The following SGCZ variants were observed in gnomAD, a reference collection of about 807,000 sequenced individuals.
The protein encoded by SGCZ is zeta-sarcoglycan.
Under a neutral mutation model 41.3 loss-of-function variants are expected in SGCZ, and 40 were observed. The ratio of observed to expected loss-of-function variants is 0.97; its 90% CI spans 0.75 to 1.26. The LOEUF (loss-of-function observed/expected upper bound fraction) is 1.26. Among genes scored for constraint, SGCZ ranks in the 50% most tolerant of loss-of-function variants. The probability of loss-of-function intolerance (pLI) is 0.00; values close to 1 mark genes in which losing one functional copy is unlikely to be tolerated. For synonymous variants in SGCZ, 206 were observed against 137.5 expected, an observed-to-expected ratio of 1.50 and a Z score of -3.49; for missense variants, 552 against 369.8, an observed-to-expected ratio of 1.49 and a Z score of -4.04.
Position 14,233,635 on chromosome 8 carries a change from A to G in SGCZ, c.424+3957T>C, listed in dbSNP as rs376928941. Among the ~76,000 whole-genome samples, 25 of 149,194 alleles carry G rather than the reference A, an allele frequency of 1.7e-4. No individual in the cohort carries two copies. The South Asian group carries it at 4.8e-3, about 29-fold the overall frequency. On this transcript the variant is annotated intron_variant, in intron 4 of 7. Coordinates refer to ENST00000382080, the MANE Select transcript of SGCZ (RefSeq NM_139167.4). The stretch of plus-strand genomic sequence containing the variant: ...ATTCTATATATATCTTTCCTGAGAT[A>G]ATAAAACAAATTTCACAAAGATGGT...
At chr8:14,311,975 G>T (rs1801561677) in intron 3 of SGCZ, among the ~76,000 whole-genome samples, 1 of 152,102 alleles carries the variant, frequency 6.6e-6, no homozygotes, top group Admixed American at 6.6e-5. Flanking sequence ...TTATAATGCA[G>T]ATTCCATTAC....
At chr8:14,201,385 T>C (rs1432785132) in intron 4 of SGCZ, among the ~76,000 whole-genome samples, 1 of 152,088 alleles carries the variant, frequency 6.6e-6, no homozygotes, top group Non-Finnish European at 1.5e-5. Context: ...TAAATGTCCT[T>C]TAACTTTCAA....
intron 2 of SGCZ, among the ~76,000 whole-genome samples, chr8:14,469,020 C>T (rs953635222): frequency 6.6e-6 from 1 of 151,816 alleles, no homozygotes; most frequent in African/African-American, 2.4e-5. Flanking sequence ...CCTCTTGCCT[C>T]CTCTTGGCCT....
At chr8:14,686,991 T>G (rs1808631120) in intron 1 of SGCZ, among the ~76,000 whole-genome samples, 1 of 151,544 alleles carries the variant, frequency 6.6e-6, no homozygotes, top group Non-Finnish European at 1.5e-5. Flanking sequence ...ATAGGACTAT[T>G]TACAGGATCA....
chr8:14,091,820 G>T (rs947037359), intron 7 of SGCZ, among the ~76,000 whole-genome samples: 2 of 152,146 alleles, frequency 1.3e-5, no homozygotes, highest in Admixed American at 6.6e-5. Flanking sequence ...CTGGGCAGAA[G>T]CACTTTAGTT....
chr8:14,933,463 G>C (rs1438422367), intron 1 of SGCZ, among the ~76,000 whole-genome samples: 1 of 126,186 alleles, frequency 7.9e-6, no homozygotes, highest in African/African-American at 3.1e-5. Context: ...ACGGAGTCTC[G>C]CTCTGTCGTC....
At position 14,490,570 on chromosome 8, in the gene SGCZ, A is replaced by G. The variant is rs189732468; in HGVS notation, c.234+64162T>C. Among the ~76,000 whole-genome samples, 706 of 152,312 alleles carry G rather than the reference A, an allele frequency of 4.6e-3. 9 individuals carry two copies. Among genetic ancestry groups the G allele is most frequent in the African/African-American group, 0.016 (675 of 41,564 alleles). On this transcript the variant is annotated intron_variant, in intron 2 of 7. Coordinates refer to ENST00000382080, the MANE Select transcript of SGCZ (RefSeq NM_139167.4). ...GTCTCTCTCTGTTTCATTGATGAGT[A>G]TAAAAGATCACTTTCATATGATATT...
At chr8:14,249,924 T>C (rs1223811975) in intron 3 of SGCZ, among the ~76,000 whole-genome samples, 1 of 152,190 alleles carries the variant, frequency 6.6e-6, no homozygotes, top group Non-Finnish European at 1.5e-5. Flanking sequence ...ATATCATGTG[T>C]GGTGGGCAAA....
At chr8:14,355,748 TG>T (rs1458263306) in intron 2 of SGCZ, among the ~76,000 whole-genome samples, 12 of 152,086 alleles carry the variant, frequency 7.9e-5, no homozygotes, top group Non-Finnish European at 1.5e-5. Flanking sequence ...TCACAGTGTC[TG>T]GCATACTCAG....
intron 2 of SGCZ, among the ~76,000 whole-genome samples, chr8:14,434,528 A>G (rs562498581): frequency 4.1e-4 from 62 of 152,254 alleles, no homozygotes; most frequent in African/African-American, 1.4e-3. Context: ...TTTGATGGCA[A>G]TTGCATTGAA....
chr8:14,722,969 G>T (rs914197334), intron 1 of SGCZ, among the ~76,000 whole-genome samples: 1 of 151,924 alleles, frequency 6.6e-6, no homozygotes, highest in Non-Finnish European at 1.5e-5. Flanking sequence ...TAGAATGCAG[G>T]GCCAGAATTC....
chr8:14,377,896 A>G (rs1330465939), intron 2 of SGCZ, among the ~76,000 whole-genome samples: 3 of 151,284 alleles, frequency 2.0e-5, no homozygotes, highest in Admixed American at 2.0e-4. Context: ...TCCATGGTGT[A>G]TATGTGCCAC....
chr8:14,757,827 T>G (rs1266316815), intron 1 of SGCZ, among the ~76,000 whole-genome samples: 3 of 152,196 alleles, frequency 2.0e-5, no homozygotes, highest in Non-Finnish European at 2.9e-5. Flanking sequence ...CATACTTTCA[T>G]GACCTATCAA....
In SGCZ at chr8:14,659,256, G is replaced by A. The variant is rs112439098; in HGVS notation, c.40-104330C>T. Among the ~76,000 whole-genome samples the A allele has an allele frequency of 7.9e-3, 1,203 of 152,216 alleles. 13 individuals are homozygous for A. The highest frequency in any genetic ancestry group is 0.027 in the Middle Eastern group (8 of 294). On this transcript the variant is annotated intron_variant, in intron 1 of 7. Transcript: ENST00000382080. ...AAGATTTTGAGTGTCATCACCGCCA[G>A]AGATGATAAATGCTTAAAGTGCTGA...
chr8:14,947,657 A>G (rs1800497302), intron 1 of SGCZ, among the ~76,000 whole-genome samples: 1 of 152,202 alleles, frequency 6.6e-6, no homozygotes, highest in East Asian at 1.9e-4. Flanking sequence ...AAGAGCAAAT[A>G]TCATTAAGTA....
intron 2 of SGCZ, among the ~76,000 whole-genome samples, chr8:14,393,009 T>C (rs1804830823): frequency 6.6e-6 from 1 of 152,204 alleles, no homozygotes. Context: ...CAAACTGTAC[T>C]GGTAATACCC....
intron 4 of SGCZ, among the ~76,000 whole-genome samples, chr8:14,184,405 GTATT>G (rs1170915083): frequency 2.0e-5 from 3 of 152,104 alleles, no homozygotes; most frequent in Non-Finnish European, 2.9e-5. Flanking sequence ...GTAATCCAGA[GTATT>G]AATTATCAAT....
intron 2 of SGCZ, among the ~76,000 whole-genome samples, chr8:14,362,610 C>G (rs575027916): frequency 1.3e-5 from 2 of 152,202 alleles, no homozygotes; most frequent in African/African-American, 4.8e-5. Flanking sequence ...CACAGCTTCC[C>G]TTGGGTAGGA....
intron 1 of SGCZ, among the ~76,000 whole-genome samples, chr8:14,794,149 C>T (rs1446838558): frequency 1.3e-5 from 2 of 152,052 alleles, no homozygotes; most frequent in Non-Finnish European, 2.9e-5. Context: ...AGCTTTATAC[C>T]AGCTACAGTC....
Sources: gnomAD v4.1 joint callset for allele counts (sites outside exome capture counted in the v4.1 genomes callset) on GRCh38, gnomAD v4.1.1 for gene constraint, MANE v1.5 for transcripts, NCBI Gene and HGNC (gene_info 2026-07-23, HGNC 2026-07-21) for gene names.